The following UNC13C variants were observed in gnomAD, a reference collection of about 807,000 sequenced individuals.
UNC13C encodes the protein protein unc-13 homolog C.
In UNC13C, 174 loss-of-function variants were observed where a neutral mutation model predicts 245.4. The ratio of observed to expected loss-of-function variants is 0.71; its 90% confidence interval spans 0.63 to 0.80. UNC13C has a LOEUF of 0.80. UNC13C is among the 30% of genes least tolerant of loss of function. The pLI, the probability that UNC13C is intolerant of heterozygous loss-of-function variation, is 0.00. For synonymous variants in UNC13C, 992 were observed against 895.1 expected, an observed-to-expected ratio of 1.11 and a Z score of -1.93; for missense variants, 2,829 against 2,602.9, an observed-to-expected ratio of 1.09 and a Z score of -1.89.
At chr15:54,236,361 T>C (rs1341768364) in intron 5 of UNC13C, 69 bp from the exon 6 acceptor site, 30 of 1,235,192 alleles carry the variant, frequency 2.4e-5, no homozygotes, top group Non-Finnish European at 3.3e-5. Flanking sequence ...AACATTGTTA[T>C]ACTCTTTTCC....
At chr15:53,977,526 T>C (rs986092752), upstream of UNC13C, among the ~76,000 whole-genome samples, 2 of 152,222 alleles carry the variant, frequency 1.3e-5, no homozygotes, top group African/African-American at 2.4e-5. Flanking sequence ...TCTTCAGTCC[T>C]GGAAATATCC....
At chr15:53,910,807 C>T in the UNC13C span, 6 of 146,840 alleles carry the variant, frequency 4.1e-5, 1 homozygote, top group Admixed American at 1.4e-4. Context: ...CATTTTTCAC[C>T]TGCCTACGGC....
At chr15:53,856,121 G>A in the UNC13C span, among the ~76,000 whole-genome samples, 54 of 152,116 alleles carry the variant, frequency 3.5e-4, no homozygotes, top group African/African-American at 1.3e-3. Context: ...TATTTCTGTG[G>A]GGTCAGTGGT....
chr15:54,474,561 T>C (rs766749602), intron 19 of UNC13C, among the ~76,000 whole-genome samples: 2 of 152,086 alleles, frequency 1.3e-5, no homozygotes, highest in Admixed American at 6.6e-5. Flanking sequence ...GTTTACTTGT[T>C]TGAGTTCTTG....
At chr15:53,927,233 C>T in the UNC13C span, among the ~76,000 whole-genome samples, 2 of 152,332 alleles carry the variant, frequency 1.3e-5, no homozygotes, top group South Asian at 4.1e-4. Context: ...AACCTAGGCT[C>T]TGGAGTCCAC....
chr15:54,227,389 C>T (rs1021961394), intron 4 of UNC13C, among the ~76,000 whole-genome samples: 5 of 152,154 alleles, frequency 3.3e-5, no homozygotes, highest in Non-Finnish European at 7.4e-5. Context: ...CAGACCCAAC[C>T]CTTTCCACCA....
At chr15:54,004,385 C>T (rs1895044060) in intron 1 of UNC13C, among the ~76,000 whole-genome samples, 2 of 152,112 alleles carry the variant, frequency 1.3e-5, no homozygotes, top group South Asian at 2.1e-4. Flanking sequence ...TGTATATGTA[C>T]CACATTTATT....
chr15:54,132,915 T>A (rs2031516387), intron 2 of UNC13C, among the ~76,000 whole-genome samples: 1 of 152,170 alleles, frequency 6.6e-6, no homozygotes, highest in South Asian at 2.1e-4. Context: ...AACTTGGAGA[T>A]CTCTCCTATT....
At chr15:54,265,550 T>A in intron 10 of UNC13C, 54 bp downstream of exon 10, 1 of 1,304,928 alleles carries the variant, frequency 7.7e-7, no homozygotes, top group Non-Finnish European at 1.0e-6. Flanking sequence ...ACAATGAATT[T>A]AAGACAGGCA....
At chr15:54,059,477 A>G (rs537597958) in intron 2 of UNC13C, among the ~76,000 whole-genome samples, 1 of 152,298 alleles carries the variant, frequency 6.6e-6, no homozygotes, top group Non-Finnish European at 1.5e-5. Flanking sequence ...ATACAAACAA[A>G]TGGAAGAACA....
At chr15:54,368,942 A>T (rs2039427130) in intron 17 of UNC13C, among the ~76,000 whole-genome samples, 1 of 152,154 alleles carries the variant, frequency 6.6e-6, no homozygotes, top group Non-Finnish European at 1.5e-5. Flanking sequence ...TGTTAGTAGG[A>T]CATAACCATG....
intron 13 of UNC13C, among the ~76,000 whole-genome samples, chr15:54,314,691 C>G (rs952710007): frequency 6.6e-6 from 1 of 151,780 alleles, no homozygotes; most frequent in African/African-American, 2.4e-5. Flanking sequence ...TATTTAAAGA[C>G]TAAGTTGGAA....
the UNC13C span, among the ~76,000 whole-genome samples, chr15:53,948,876 A>G: frequency 1.3e-5 from 2 of 152,114 alleles, no homozygotes; most frequent in African/African-American, 4.8e-5. Context: ...TGAGAAATGA[A>G]GCTAGAGAGG....
chr15:54,164,233 G>A (rs2033083592), intron 4 of UNC13C, among the ~76,000 whole-genome samples: 1 of 152,022 alleles, frequency 6.6e-6, no homozygotes, highest in South Asian at 2.1e-4. Flanking sequence ...TTTAAATTAT[G>A]TATAATATAT....
At chr15:54,470,912 C>T (rs891569586) in intron 19 of UNC13C, among the ~76,000 whole-genome samples, 4 of 151,258 alleles carry the variant, frequency 2.6e-5, no homozygotes, top group African/African-American at 7.3e-5. Flanking sequence ...ACTACTTTTG[C>T]TGCATCCCAT....
At chr15:54,061,008 C>T (rs1459299006) in intron 2 of UNC13C, among the ~76,000 whole-genome samples, 1 of 151,956 alleles carries the variant, frequency 6.6e-6, no homozygotes, top group Non-Finnish European at 1.5e-5. Context: ...AGGAGATATA[C>T]CTAATGCTAA....
chr15:54,598,496 A>G (rs897983348), intron 30 of UNC13C, among the ~76,000 whole-genome samples: 1 of 152,232 alleles, frequency 6.6e-6, no homozygotes, highest in Non-Finnish European at 1.5e-5. Flanking sequence ...GATGCTCTCC[A>G]GAGGCACATC....
At position 54,448,266 on chromosome 15, in the gene UNC13C, G is replaced by C. The variant is rs1319375019; in HGVS notation, c.4933+33199G>C. The stretch of plus-strand genomic sequence containing the variant: ...GTATATTCTGTTGATTTGGGGTGGA[G>C]AGTTCTGTAGATGTCTAGTAGGTCC... On this transcript the variant is annotated intron_variant, in intron 19 of 32. Transcript: ENST00000260323. 3.9e-5 allele frequency among the ~76,000 whole-genome samples: 6 copies of C among 152,314 alleles called. No homozygotes were observed. The East Asian group carries it at 1.2e-3, about 29-fold the overall frequency.
chr15:54,478,991 G>C (rs1165347873), intron 19 of UNC13C, among the ~76,000 whole-genome samples: 4 of 152,080 alleles, frequency 2.6e-5, no homozygotes, highest in African/African-American at 9.7e-5. Context: ...GAATCTGGGT[G>C]CTCCTGTATT....
Sources: gnomAD v4.1 joint callset for allele counts (sites outside exome capture counted in the v4.1 genomes callset) on GRCh38, gnomAD v4.1.1 for gene constraint, MANE v1.5 for transcripts, NCBI Gene and HGNC (gene_info 2026-07-23, HGNC 2026-07-21) for gene names.